Variants in KIF3B observed in about 807,000 individuals in gnomAD.
KIF3B encodes kinesin-like protein KIF3B.
In KIF3B, 38 loss-of-function variants were observed where a neutral mutation model predicts 74.3. That is an observed-to-expected ratio of 0.51 (90% CI 0.39 to 0.67). The LOEUF is 0.67. Ranked by LOEUF, KIF3B falls within the 30% of genes least tolerant of loss-of-function variation. The probability of loss-of-function intolerance (pLI) is 0.00; values close to 1 mark genes in which losing one functional copy is unlikely to be tolerated. For missense variants in KIF3B, 649 were observed against 932.0 expected (o/e 0.70, Z 3.95); for synonymous variants, 326 against 342.5 (o/e 0.95, Z 0.53).
At position 32,277,737 on chromosome 20, in the gene KIF3B, C is replaced by T; in HGVS notation, c.-94C>T. On this transcript the variant is annotated 5_prime_UTR_variant, in exon 1 of 9. Coordinates refer to ENST00000375712, the MANE Select transcript of KIF3B (RefSeq NM_004798.4). ...GCCGCCGCCGCCGCCGCCGCCGCCGCCGCCGCCCGCTTTCGGCTCGGGCCT... is the reference window on the plus strand; with the variant it reads ...GCCGCCGCCGCCGCCGCCGCCGCCGTCGCCGCCCGCTTTCGGCTCGGGCCT... The T allele has an allele frequency of 3.7e-6, 1 of 266,962 alleles. No individual in the cohort carries two copies. The highest frequency in any genetic ancestry group is 6.8e-6 in the Non-Finnish European group (1 of 147,378). 16.5% of individuals were successfully genotyped at this position (266,962 alleles called of 1,614,324 possible). A position where few individuals can be genotyped will look rare whatever the true frequency, so the allele number is the denominator to read the frequency against.
rs761996826 is a variant in KIF3B, at chr20:32,310,844, G to A, written c.1067G>A (p.Arg356Gln). The A allele has an allele frequency of 5.6e-6, 9 of 1,613,848 alleles. No homozygotes were observed. Among genetic ancestry groups the A allele is most frequent in the South Asian group, 2.2e-5 (2 of 91,058 alleles). The change falls in exon 2 of 9, where the codon CGA (arginine) becomes CAA (glutamine). Residue 356 changes from arginine (R) to glutamine (Q), a missense_variant. Physicochemically the swap from Arg to Gln is conservative, Grantham distance 43. Transcript: ENST00000375712. The surrounding 1 kb of genome is among the most constrained non-coding windows in gnomAD (Gnocchi z 6.5). ...VNEDPKDALL[R>Q]EFQEEIARLK... The stretch of plus-strand genomic sequence containing the variant: ...GAGGACCCCAAGGATGCCCTCCTTC[G>A]AGAATTCCAGGAAGAGATTGCTCGG...
At chr20:32,299,660 C>T (rs1287012081) in intron 1 of KIF3B, among the ~76,000 whole-genome samples, 1 of 151,594 alleles carries the variant, frequency 6.6e-6, no homozygotes, top group African/African-American at 2.4e-5. Context: ...GATCCTCCGG[C>T]GTCAGCCTCC....
At chr20:32,296,312 T>C (rs1424003367) in intron 1 of KIF3B, among the ~76,000 whole-genome samples, 1 of 152,208 alleles carries the variant, frequency 6.6e-6, no homozygotes, top group African/African-American at 2.4e-5. Flanking sequence ...CTAAGTAATA[T>C]ATTTACATGA....
chr20:32,277,706 C>CCCGCCGCCGCCG lies in KIF3B; in HGVS notation c.-98_-87dup, dbSNP rs756318630. On this transcript the variant is annotated 5_prime_UTR_variant, in exon 1 of 9. Coordinates refer to ENST00000375712, the MANE Select transcript of KIF3B (RefSeq NM_004798.4). ...ATGGCTGAGCCAGGGGTTCGCCGCC[C>CCCGCCGCCGCCG]CCGCCGCCGCCGCCGCCGCCGCCGC... 34 of 261,204 alleles carry CCCGCCGCCGCCG rather than the reference C, an allele frequency of 1.3e-4. No homozygotes were observed. Among genetic ancestry groups the CCCGCCGCCGCCG allele is most frequent in the African/African-American group, 2.6e-4 (11 of 43,082 alleles). 16.2% of individuals were successfully genotyped at this position (261,204 alleles called of 1,614,324 possible). A position where few individuals can be genotyped will look rare whatever the true frequency, so the allele number is the denominator to read the frequency against.
At chr20:32,318,878 GT>G (rs989819704) in intron 5 of KIF3B, among the ~76,000 whole-genome samples, 13 of 151,974 alleles carry the variant, frequency 8.6e-5, no homozygotes, top group Non-Finnish European at 1.3e-4. Context: ...GTAACTCAGT[GT>G]TTAACTTTTT....
At chr20:32,296,947 G>A (rs537869807) in intron 1 of KIF3B, among the ~76,000 whole-genome samples, 1 of 152,210 alleles carries the variant, frequency 6.6e-6, no homozygotes, top group East Asian at 1.9e-4. Flanking sequence ...TGCAAACACG[G>A]AGTCCTGATA....
chr20:32,312,780 T>C (rs185665966), intron 2 of KIF3B, among the ~76,000 whole-genome samples: 2 of 152,288 alleles, frequency 1.3e-5, no homozygotes, highest in Admixed American at 6.5e-5. Flanking sequence ...ACGTGCAAGA[T>C]TGTCTTGTTT....
Position 32,310,825 on chromosome 20 carries a change from C to T in KIF3B, c.1048C>T (p.Pro350Ser). The change falls in exon 2 of 9, where the codon CCC becomes TCC. Residue 350 changes from proline to serine, a missense_variant. Physicochemically the swap from Pro to Ser is moderately conservative, Grantham distance 74 (BLOSUM62 -1). This residue lies in a region of KIF3B where 363 missense variants were observed against 592.8 expected (regional missense o/e 0.61). Transcript: ENST00000375712. This position sits in a 1 kb window ranked among gnomAD's most constrained non-coding sequence, Gnocchi z 6.5. Reference protein sequence around the residue: ...IKNKPRVNEDPKDALLREFQE... With the variant: ...IKNKPRVNEDSKDALLREFQE... ...GAACAAACCAAGGGTCAATGAGGAC[C>T]CCAAGGATGCCCTCCTTCGAGAATT... is the stretch of plus-strand genomic sequence containing the variant. The T allele has an allele frequency of 1.2e-6, 2 of 1,614,006 alleles. No individual in the cohort carries two copies. Among genetic ancestry groups the T allele is most frequent in the Non-Finnish European group, 1.7e-6 (2 of 1,180,008 alleles).
chr20:32,299,260 T>A (rs1264295039), intron 1 of KIF3B, among the ~76,000 whole-genome samples: 1 of 151,068 alleles, frequency 6.6e-6, no homozygotes, highest in Non-Finnish European at 1.5e-5. Context: ...ATATTGCTGT[T>A]CTAATATAAC....
chr20:32,291,290 A>G (rs1465445556), intron 1 of KIF3B, among the ~76,000 whole-genome samples: 1 of 152,178 alleles, frequency 6.6e-6, no homozygotes, highest in African/African-American at 2.4e-5. Flanking sequence ...AAAATTTTAA[A>G]TGATAAGCCA....
At chr20:32,318,499 CT>C (rs1179553644) in intron 5 of KIF3B, among the ~76,000 whole-genome samples, 1 of 152,166 alleles carries the variant, frequency 6.6e-6, no homozygotes, top group Non-Finnish European at 1.5e-5. Context: ...CACTAATCTG[CT>C]TCCTGTCTCT....
intron 1 of KIF3B, 52 bp from the exon 2 acceptor site, chr20:32,309,661 C>A: frequency 7.0e-6 from 8 of 1,147,906 alleles, no homozygotes; most frequent in Non-Finnish European, 9.7e-6. Context: ...TTCTGTCAGG[C>A]AGGCTGCAAT....
At position 32,311,188 on chromosome 20, in the gene KIF3B, T is replaced by TA; in HGVS notation, c.1404+8dup. On this transcript the variant is annotated splice_region_variant and intron_variant, in intron 2 of 8. Coordinates refer to ENST00000375712, the MANE Select transcript of KIF3B (RefSeq NM_004798.4). Reference sequence around the variant, plus strand: ...GCTGGGCGCCAAGATCAAGGTACCATACCCGTACCCTTCCTTAGGCCCTTG... The same window carrying TA: ...GCTGGGCGCCAAGATCAAGGTACCATAACCCGTACCCTTCCTTAGGCCCTTG... The TA allele has an allele frequency of 1.9e-6, 3 of 1,590,878 alleles. No individual in the cohort carries two copies. Among genetic ancestry groups the TA allele is most frequent in the Non-Finnish European group, 2.6e-6 (3 of 1,168,932 alleles).
intron 5 of KIF3B, among the ~76,000 whole-genome samples, chr20:32,325,598 C>G (rs1371645712): frequency 6.7e-6 from 1 of 150,310 alleles, no homozygotes; most frequent in Non-Finnish European, 1.5e-5. Context: ...ATTTTAGCTC[C>G]CCAAAATATT....
intron 2 of KIF3B, among the ~76,000 whole-genome samples, chr20:32,312,479 T>C (rs1267478441): frequency 6.6e-6 from 1 of 152,198 alleles, no homozygotes; most frequent in East Asian, 1.9e-4. Context: ...CGGTGTTTAT[T>C]GTTTCCTTGC....
chr20:32,316,711 C>T (rs1266255248), intron 4 of KIF3B, 45 bp from the exon 5 acceptor site: 4 of 1,613,464 alleles, frequency 2.5e-6, no homozygotes, highest in African/African-American at 2.7e-5. Context: ...AGAACTCTAC[C>T]CTTTGGACAG....
chr20:32,296,345 A>G (rs1216545063), intron 1 of KIF3B, among the ~76,000 whole-genome samples: 2 of 152,120 alleles, frequency 1.3e-5, no homozygotes, highest in Non-Finnish European at 2.9e-5. Flanking sequence ...GAGATATTAA[A>G]GGGTAAACAC....
chr20:32,303,153 T>A (rs2047752339), intron 1 of KIF3B, among the ~76,000 whole-genome samples: 1 of 152,206 alleles, frequency 6.6e-6, no homozygotes, highest in Non-Finnish European at 1.5e-5. Flanking sequence ...GGGCTTCCTT[T>A]TGCATAGTTT....
At chr20:32,317,022 T>G (rs2047831231) in intron 5 of KIF3B, 148 bp downstream of exon 5, 4 of 649,472 alleles carry the variant, frequency 6.2e-6, no homozygotes, top group African/African-American at 3.6e-5. Flanking sequence ...GATCACCTGA[T>G]GTCAGGAGTT....
Sources: gnomAD v4.1 joint callset for allele counts (sites outside exome capture counted in the v4.1 genomes callset) on GRCh38, gnomAD v4.1.1 for gene constraint, gnomAD v4.1.1 regional missense constraint, Gnocchi (gnomAD v3.1) non-coding constraint, MANE v1.5 for transcripts, NCBI Gene and HGNC (gene_info 2026-07-23, HGNC 2026-07-21) for gene names.